The following WDR44 variants were observed in gnomAD, a reference collection of about 807,000 sequenced individuals.
WDR44 encodes WD repeat domain 44, also known as WD repeat-containing protein 44.
Under a neutral mutation model 65.7 loss-of-function variants are expected in WDR44, and 9 were observed. The observed-to-expected ratio is 0.14, with a 90% CI of 0.08 to 0.24. WDR44 has a LOEUF of 0.24. Ranked by LOEUF, WDR44 falls within the 10% of genes least tolerant of loss-of-function variation. The pLI is 1.00. For synonymous variants in WDR44, 220 were observed against 235.2 expected, an observed-to-expected ratio of 0.94 and a Z score of 0.59; for missense variants, 425 against 670.9, an observed-to-expected ratio of 0.63 and a Z score of 4.05.
intron 1 of WDR44, among the ~76,000 whole-genome samples, chrX:118,352,350 ATATTTTT>A (rs1480570881): frequency 2.0e-4 from 4 of 20,289 alleles, no homozygotes; most frequent in African/African-American, 1.6e-3. Context: ...ATATATATAT[ATATTTTT>A]TTTTTTTTTT....
chrX:118,433,267 A>G (rs746108082), intron 13 of WDR44, among the ~76,000 whole-genome samples: 7 of 111,741 alleles, frequency 6.3e-5, no homozygotes, highest in African/African-American at 2.3e-4. Context: ...ACCTTTCTCT[A>G]GCATTTGATG....
chrX:118,348,738 G>A (rs1229909528), intron 1 of WDR44, among the ~76,000 whole-genome samples: 1 of 111,918 alleles, frequency 8.9e-6, no homozygotes, highest in Non-Finnish European at 1.9e-5. Context: ...GAAATGTAGT[G>A]AGAAATCTTG....
At chrX:118,409,400 G>T (rs2056994482) in intron 10 of WDR44, 89 bp from the exon 11 acceptor site, 1 of 1,025,703 alleles carries the variant, frequency 9.7e-7, no homozygotes, top group African/African-American at 1.9e-5. Flanking sequence ...AAAGTGCTGA[G>T]ATTACAGACG....
chrX:118,435,903 C>T (rs934232732), intron 13 of WDR44, among the ~76,000 whole-genome samples: 9 of 112,129 alleles, frequency 8.0e-5, no homozygotes, highest in African/African-American at 1.9e-4. Flanking sequence ...CGTAAGTATG[C>T]GATCAATGTC....
At chrX:118,367,792 A>G (rs752964315) in intron 1 of WDR44, among the ~76,000 whole-genome samples, 1 of 111,443 alleles carries the variant, frequency 9.0e-6, no homozygotes, top group Admixed American at 9.6e-5. Context: ...AGTTGATCTA[A>G]ATGATTCTTA....
chrX:118,346,348 C>A lies in WDR44; in HGVS notation c.-156C>A. The A allele has an allele frequency of 2.1e-6, 1 of 479,341 alleles. No homozygotes were observed. The highest frequency in any genetic ancestry group is 3.1e-5 in the South Asian group (1 of 31,978). 39.5% of individuals were successfully genotyped at this position (479,341 alleles called of 1,213,427 possible). A position where few individuals can be genotyped will look rare whatever the true frequency, so the allele number is the denominator to read the frequency against. On this transcript the variant is annotated 5_prime_UTR_variant, in exon 1 of 20. Coordinates refer to ENST00000254029, the MANE Select transcript of WDR44 (RefSeq NM_019045.5). ...CCGGCAACTGAGGGCGGCCCCCTTT[C>A]CTTAACAGTCTCCTCGCTACAGATC... is the stretch of plus-strand genomic sequence containing the variant.
intron 1 of WDR44, among the ~76,000 whole-genome samples, chrX:118,371,841 C>A (rs2056615953): frequency 9.0e-6 from 1 of 110,666 alleles, no homozygotes; most frequent in Non-Finnish European, 1.9e-5. Flanking sequence ...GAAAAATTTT[C>A]CGTGTGTGTG....
intron 13 of WDR44, 141 bp from the exon 14 acceptor site, chrX:118,436,561 T>A (rs2057256845): frequency 1.4e-6 from 1 of 717,304 alleles, no homozygotes. Context: ...CAAGTGAATT[T>A]GATAATCTTT....
intron 1 of WDR44, among the ~76,000 whole-genome samples, chrX:118,360,779 G>C (rs978741031): frequency 1.8e-5 from 2 of 111,800 alleles, no homozygotes; most frequent in Non-Finnish European, 3.8e-5. Context: ...TATAACAAAG[G>C]ATAGAGGGGG....
intron 12 of WDR44, among the ~76,000 whole-genome samples, chrX:118,412,833 A>G (rs747845293): frequency 9.0e-6 from 1 of 111,560 alleles, no homozygotes; most frequent in Non-Finnish European, 1.9e-5. Flanking sequence ...GTAGTCTTTT[A>G]TTCCTCACCC....
intron 1 of WDR44, among the ~76,000 whole-genome samples, chrX:118,356,734 AAT>A (rs4002926): frequency 0.26 from 28,428 of 108,710 alleles, 3,114 homozygotes; most frequent in African/African-American, 0.39. Flanking sequence ...AATTTGTAAT[AAT>A]AGTAAAGGGC....
At position 118,405,408 on chromosome X, in the gene WDR44, C is replaced by T. The variant is rs749130432; in HGVS notation, c.1381+964C>T. Among the ~76,000 whole-genome samples, 39 of 107,762 alleles carry T rather than the reference C, an allele frequency of 3.6e-4. No homozygotes were observed. In the East Asian group the frequency reaches 8.0e-3, roughly 22 times the overall value. 93.6% of individuals were successfully genotyped at this position (107,762 alleles called of 115,157 possible). A position where few individuals can be genotyped will look rare whatever the true frequency, so the allele number is the denominator to read the frequency against. The stretch of plus-strand genomic sequence containing the variant: ...AGGCTGGAGTACAGTGGCACGATCT[C>T]GGCTCACTTCAACCTCTGCCTCCTG... On this transcript the variant is annotated intron_variant, in intron 9 of 19. Coordinates refer to ENST00000254029, the MANE Select transcript of WDR44 (RefSeq NM_019045.5).
At chrX:118,415,539 T>C (rs931505831) in intron 12 of WDR44, among the ~76,000 whole-genome samples, 2 of 112,133 alleles carry the variant, frequency 1.8e-5, no homozygotes, top group Non-Finnish European at 3.8e-5. Flanking sequence ...AGTCTCACTC[T>C]GTTGCCCAGG....
intron 13 of WDR44, among the ~76,000 whole-genome samples, chrX:118,436,223 CTT>C (rs1415521524): frequency 8.9e-6 from 1 of 111,983 alleles, no homozygotes; most frequent in African/African-American, 3.2e-5. Context: ...TGCACAATAA[CTT>C]TTCATTTCCA....
At chrX:118,433,100 A>G (rs896934405) in intron 13 of WDR44, among the ~76,000 whole-genome samples, 10 of 111,698 alleles carry the variant, frequency 9.0e-5, no homozygotes, top group African/African-American at 3.2e-4. Context: ...TGTACAGAAT[A>G]CCTTCACAGC....
chrX:118,419,288 C>T (rs995866440), intron 12 of WDR44, among the ~76,000 whole-genome samples: 1 of 111,687 alleles, frequency 9.0e-6, no homozygotes, highest in East Asian at 2.8e-4. Context: ...GCTGCCCTCC[C>T]GAAGGATCCC....
rs2056348842 is a variant in WDR44 at position 118,346,342 on chromosome X, C to G, written c.-162C>G. 2.2e-6 allele frequency: 1 copy of G among 450,271 alleles called. No homozygotes were observed. The highest frequency in any genetic ancestry group is 4.1e-5 in the Admixed American group (1 of 24,649). The allele number at this position is 450,271 out of a possible 1,213,427, so 37.1% of individuals were successfully genotyped here. On this transcript the variant is annotated 5_prime_UTR_variant, in exon 1 of 20. Coordinates refer to ENST00000254029, the MANE Select transcript of WDR44 (RefSeq NM_019045.5). ...CGAAGCCCGGCAACTGAGGGCGGCC[C>G]CCTTTCCTTAACAGTCTCCTCGCTA... is the stretch of plus-strand genomic sequence containing the variant.
At chrX:118,398,281 CG>C in intron 7 of WDR44, 105 bp from the exon 8 acceptor site, 1 of 508,715 alleles carries the variant, frequency 2.0e-6, no homozygotes, top group Non-Finnish European at 3.3e-6. Flanking sequence ...AGCTTATTAG[CG>C]TAGTTTTTCT....
chrX:118,430,194 G>GTT (rs201065574), intron 12 of WDR44, among the ~76,000 whole-genome samples: 71 of 97,443 alleles, frequency 7.3e-4, no homozygotes, highest in East Asian at 7.0e-3. Context: ...TAATTTTTCT[G>GTT]TTTTTTTTTT....
Sources: allele counts gnomAD v4.1 joint callset (sites outside exome capture counted in the v4.1 genomes callset), GRCh38; gene constraint gnomAD v4.1.1; transcripts MANE v1.5; gene names NCBI Gene and HGNC (gene_info 2026-07-23, HGNC 2026-07-21).